Variants in EBAG9 observed in about 807,000 individuals in gnomAD.
EBAG9 encodes the protein estrogen receptor binding site associated antigen 9, also known as receptor-binding cancer antigen expressed on SiSo cells.
In EBAG9, 16 loss-of-function variants were observed where a neutral mutation model predicts 30.9. That is an observed-to-expected ratio of 0.52 (90% CI 0.35 to 0.79). The LOEUF (loss-of-function observed/expected upper bound fraction) is 0.79, where lower values mean the gene tolerates loss of function less well. Among genes scored for constraint, EBAG9 ranks in the 30% least tolerant of loss-of-function variants. The probability of loss-of-function intolerance (pLI) is 0.01; values close to 1 mark genes in which losing one functional copy is unlikely to be tolerated. For synonymous variants in EBAG9, 93 were observed against 82.8 expected (o/e 1.12, Z -0.67); for missense variants, 197 against 242.1 (o/e 0.81, Z 1.24).
chr8:109,560,673 C>A (rs758848798), intron 5 of EBAG9, among the ~76,000 whole-genome samples, 165 bp from the exon 6 acceptor site: 2 of 152,060 alleles, frequency 1.3e-5, no homozygotes, highest in African/African-American at 2.4e-5. Context: ...CTAGGCAAGC[C>A]AAAAGCAAAA....
rs746651770 is a variant in EBAG9 at position 109,556,987 on chromosome 8, C to T, written c.374C>T (p.Thr125Ile). 4.4e-6 allele frequency: 7 copies of T among 1,607,820 alleles called. No individual in the cohort carries two copies. The highest frequency in any genetic ancestry group is 5.9e-6 in the Non-Finnish European group (7 of 1,176,500). Residue 125 changes from threonine to isoleucine, a missense_variant, in exon 5 of 7, where the codon ACA becomes ATA. Physicochemically the swap from Thr to Ile is moderately conservative, Grantham distance 89 (BLOSUM62 -1). Coordinates refer to ENST00000337573, the MANE Select transcript of EBAG9 (RefSeq NM_004215.5). ...PLNFGIPDGS[T>I]GFSSRLAATQ... is the part of the protein sequence containing the mutation. ...AATTTTGGCATCCCAGATGGGAGCACAGGTTTCTCTAGTAGATTAGCAGCT... is the reference window on the plus strand; with the variant it reads ...AATTTTGGCATCCCAGATGGGAGCATAGGTTTCTCTAGTAGATTAGCAGCT...
intron 1 of EBAG9, among the ~76,000 whole-genome samples, chr8:109,543,812 C>G (rs1821328520): frequency 6.6e-6 from 1 of 152,106 alleles, no homozygotes; most frequent in African/African-American, 2.4e-5. Context: ...AGGCAGATCA[C>G]TTGAGGCCAG....
At chr8:109,557,477 T>C (rs1821622958) in intron 5 of EBAG9, among the ~76,000 whole-genome samples, 1 of 152,236 alleles carries the variant, frequency 6.6e-6, no homozygotes, top group South Asian at 2.1e-4. Context: ...AGTAGACAGC[T>C]GAGGTTCTCA....
At chr8:109,561,753 G>T (rs115694182) in intron 6 of EBAG9, among the ~76,000 whole-genome samples, 2,200 of 152,008 alleles carry the variant, frequency 0.014, 59 homozygotes, top group African/African-American at 0.051. Flanking sequence ...CAAAAAAACT[G>T]ATTTCATTTT....
chr8:109,564,446 A>G lies in EBAG9; in HGVS notation c.529A>G (p.Lys177Glu). ...WQAEEVLRQQKLADREKRAAE... is the reference protein window; with the variant it reads ...WQAEEVLRQQELADREKRAAE... ...AAGTATGTTTCTTTTCAGACAGCAG[A>G]AACTAGCAGACAGAGAAAAGAGAGC... Residue 177 changes from lysine (K) to glutamate (E), a missense_variant, in exon 7 of 7, where the codon AAA (lysine) becomes GAA (glutamate). Lys to Glu is a moderately conservative substitution (Grantham distance 56, BLOSUM62 1). Coordinates refer to ENST00000337573, the MANE Select transcript of EBAG9 (RefSeq NM_004215.5). 1.9e-6 allele frequency: 3 copies of G among 1,612,082 alleles called. No homozygotes were observed. In the South Asian group the frequency reaches 3.3e-5, roughly 18 times the overall value.
chr8:109,551,042 T>A, intron 2 of EBAG9, 135 bp downstream of exon 2: 1 of 591,512 alleles, frequency 1.7e-6, no homozygotes, highest in Non-Finnish European at 3.0e-6. Flanking sequence ...ATTCATTAAT[T>A]CCTAGTCATT....
At chr8:109,545,972 G>T (rs1821376589) in intron 1 of EBAG9, among the ~76,000 whole-genome samples, 1 of 152,184 alleles carries the variant, frequency 6.6e-6, no homozygotes, top group African/African-American at 2.4e-5. Context: ...CATTGAATGA[G>T]TATTACATGT....
At chr8:109,554,375 G>A (rs1028541099) in intron 3 of EBAG9, among the ~76,000 whole-genome samples, 4 of 152,112 alleles carry the variant, frequency 2.6e-5, no homozygotes, top group Non-Finnish European at 5.9e-5. Context: ...GGAGAAGCTT[G>A]GTATTTTTTA....
intron 6 of EBAG9, chr8:109,563,499 T>A (rs779527117): frequency 9.4e-6 from 15 of 1,597,382 alleles, no homozygotes; most frequent in Non-Finnish European, 1.1e-5. Flanking sequence ...AGAGAGTGAG[T>A]CTGGGTCAGT....
intron 3 of EBAG9, among the ~76,000 whole-genome samples, 156 bp from the exon 4 acceptor site, chr8:109,554,573 C>G (rs768971895): frequency 5.3e-5 from 8 of 152,036 alleles, no homozygotes; most frequent in Non-Finnish European, 7.4e-5. Context: ...AACTTTTGAT[C>G]AAGTTTTGAT....
At chr8:109,548,499 A>G (rs1821429960) in intron 1 of EBAG9, among the ~76,000 whole-genome samples, 1 of 152,126 alleles carries the variant, frequency 6.6e-6, no homozygotes, top group Non-Finnish European at 1.5e-5. Flanking sequence ...AACTTTAGAA[A>G]TTAGCTTGTC....
chr8:109,558,671 G>T (rs1026331386), intron 5 of EBAG9, among the ~76,000 whole-genome samples: 1 of 152,044 alleles, frequency 6.6e-6, no homozygotes, highest in Admixed American at 6.6e-5. Context: ...TTCCTCCCAA[G>T]CAGACAGAAT....
Position 109,549,107 on chromosome 8 carries a change from A to G in EBAG9, c.-15-1703A>G, listed in dbSNP as rs1821444284. On this transcript the variant is annotated intron_variant, in intron 1 of 6. Transcript: ENST00000337573. ...CTTTGCTGCAATTTTTTTTTTTAAC[A>G]GGAATGGATGTTGAGTTTTGTCAAA... Among the ~76,000 whole-genome samples, 9 of 151,232 alleles carry G rather than the reference A, an allele frequency of 6.0e-5. No individual in the cohort carries two copies. In the South Asian group the frequency reaches 1.9e-3, roughly 31 times the overall value.
Position 109,554,739 on chromosome 8 carries a change from A to G in EBAG9, c.173A>G (p.Glu58Gly). 2.5e-6 allele frequency: 4 copies of G among 1,613,192 alleles called. No homozygotes were observed. The highest frequency in any genetic ancestry group is 3.4e-6 in the Non-Finnish European group (4 of 1,179,488). Residue 58 changes from glutamate (E) to glycine (G), a missense_variant, in exon 4 of 7, where the codon GAA becomes GGA. Coordinates refer to ENST00000337573, the MANE Select transcript of EBAG9 (RefSeq NM_004215.5). ...YSSVPKQTDV[E>G]EWTSWDEDAP... is the part of the protein sequence containing the mutation. ...ATCAATTAAATTTAGACAGATGTTG[A>G]AGAGTGGACTTCCTGGGATGAAGAT...
chr8:109,556,313 T>G (rs1821597223), intron 4 of EBAG9, among the ~76,000 whole-genome samples: 1 of 152,090 alleles, frequency 6.6e-6, no homozygotes, highest in African/African-American at 2.4e-5. Context: ...GTTGATAACA[T>G]TTACATTCTT....
At chr8:109,562,726 T>G (rs1156950211) in intron 6 of EBAG9, among the ~76,000 whole-genome samples, 2 of 151,882 alleles carry the variant, frequency 1.3e-5, no homozygotes, top group Non-Finnish European at 2.9e-5. Flanking sequence ...TCCAAAATGC[T>G]TGGGACCAGA....
intron 6 of EBAG9, chr8:109,563,367 G>T: frequency 6.3e-7 from 1 of 1,592,646 alleles, no homozygotes; most frequent in South Asian, 1.1e-5. Flanking sequence ...TTGCATACTT[G>T]AATGATTTTC....
chr8:109,542,718 T>A lies in EBAG9; in HGVS notation c.-16+2257T>A, dbSNP rs183416209. Among the ~76,000 whole-genome samples, 146 of 152,324 alleles carry A rather than the reference T, an allele frequency of 9.6e-4. 1 individual carries two copies. The highest frequency in any genetic ancestry group is 3.0e-3 in the African/African-American group (126 of 41,572). On this transcript the variant is annotated intron_variant, in intron 1 of 6. Transcript: ENST00000337573. ...ATAATTTTTCAGATCATTCTACTCA[T>A]AATGAAGCAATCAAACTTTTTTTTC... is the stretch of plus-strand genomic sequence containing the variant.
rs565569452 is a variant in EBAG9, at chr8:109,552,028, A to G, written c.83+1121A>G. ...GGTACTGTGAAAAAGTTACTTACAT[A>G]CTAAGAGGAGGGTATAGTAAAAGAG... is the stretch of plus-strand genomic sequence containing the variant. On this transcript the variant is annotated intron_variant, in intron 2 of 6. Coordinates refer to ENST00000337573, the MANE Select transcript of EBAG9 (RefSeq NM_004215.5). Among the ~76,000 whole-genome samples, 17 of 152,184 alleles carry G rather than the reference A, an allele frequency of 1.1e-4. No individual in the cohort carries two copies. In the East Asian group the frequency reaches 3.3e-3, roughly 29 times the overall value.
Sources: gnomAD v4.1 joint callset for allele counts (sites outside exome capture counted in the v4.1 genomes callset) on GRCh38, gnomAD v4.1.1 for gene constraint, MANE v1.5 for transcripts, NCBI Gene and HGNC (gene_info 2026-07-23, HGNC 2026-07-21) for gene names.